PMFBP1: variants seen among roughly 807,000 people sequenced by gnomAD.
PMFBP1 encodes polyamine-modulated factor 1-binding protein 1.
In PMFBP1, 131 loss-of-function variants were observed where a neutral mutation model predicts 137.8. The ratio of observed to expected loss-of-function variants is 0.95; its 90% confidence interval spans 0.82 to 1.10. The LOEUF is 1.10. PMFBP1 is among the 50% of genes least tolerant of loss of function. The probability of loss-of-function intolerance (pLI) is 0.00; values close to 1 mark genes in which losing one functional copy is unlikely to be tolerated. For synonymous variants in PMFBP1, 490 were observed against 450.4 expected (o/e 1.09, Z -1.11); for missense variants, 1,199 against 1,175.4 (o/e 1.02, Z -0.29).
At chr16:72,202,537 C>T in the PMFBP1 span, among the ~76,000 whole-genome samples, 18 of 152,232 alleles carry the variant, frequency 1.2e-4, no homozygotes, top group East Asian at 3.9e-4. Flanking sequence ...GGTCCCACCC[C>T]GACACTGGTT....
downstream of PMFBP1, among the ~76,000 whole-genome samples, chr16:72,118,763 C>CGGT (rs1555541152): frequency 1.3e-4 from 17 of 134,086 alleles, 1 homozygote; most frequent in Admixed American, 1.1e-3. Context: ...CGGTGGTGGG[C>CGGT]GGGGGGGCAG....
chr16:72,161,468 C>T (rs1488243814), intron 3 of PMFBP1, among the ~76,000 whole-genome samples: 3 of 152,108 alleles, frequency 2.0e-5, no homozygotes, highest in Admixed American at 2.0e-4. Context: ...GAGCATAGAA[C>T]TGTAAGTTTA....
At chr16:72,234,327 C>T in the PMFBP1 span, among the ~76,000 whole-genome samples, 4 of 152,166 alleles carry the variant, frequency 2.6e-5, no homozygotes, top group Non-Finnish European at 5.9e-5. Flanking sequence ...GTGATTAAAA[C>T]AGCCTGCAGC....
chr16:72,121,326 A>G (rs1374824215), intron 19 of PMFBP1, among the ~76,000 whole-genome samples: 2 of 152,244 alleles, frequency 1.3e-5, no homozygotes, highest in African/African-American at 4.8e-5. Flanking sequence ...GGGTCTCAGC[A>G]GTGCCCTCCT....
At chr16:72,155,011 C>G (rs1405097723) in intron 3 of PMFBP1, among the ~76,000 whole-genome samples, 1 of 152,072 alleles carries the variant, frequency 6.6e-6, no homozygotes, top group Admixed American at 6.5e-5. Flanking sequence ...CTTGCGGATG[C>G]TGACTCTGTG....
At chr16:72,209,414 T>C in the PMFBP1 span, among the ~76,000 whole-genome samples, 3 of 152,158 alleles carry the variant, frequency 2.0e-5, no homozygotes, top group Non-Finnish European at 4.4e-5. Flanking sequence ...TCAGTTATTA[T>C]ATATTGTTAT....
intron 6 of PMFBP1, 58 bp downstream of exon 6, chr16:72,140,354 T>C: frequency 6.7e-7 from 1 of 1,491,858 alleles, no homozygotes; most frequent in Non-Finnish European, 9.3e-7. Flanking sequence ...CCCTCCTTTC[T>C]CTCCCCATGT....
the PMFBP1 span, among the ~76,000 whole-genome samples, chr16:72,225,929 TCACAGACA>T: frequency 9.4e-6 from 1 of 106,144 alleles, no homozygotes; most frequent in Non-Finnish European, 2.0e-5. Context: ...GCATGCACAC[TCACAGACA>T]CACACACACA....
Position 72,125,957 on chromosome 16 carries a change from T to G in PMFBP1, c.2253+11A>C. ...GAAAACAGCCCTGGAGACTAGAGGG[T>G]GTGGCCTCACCTTCTCGAGGGCTTG... On this transcript the variant is annotated intron_variant, in intron 15 of 20. Transcript: ENST00000237353. The G allele has an allele frequency of 6.2e-7, 1 of 1,613,322 alleles. No homozygotes were observed. The highest frequency in any genetic ancestry group is 8.5e-7 in the Non-Finnish European group (1 of 1,179,668).
the PMFBP1 span, among the ~76,000 whole-genome samples, chr16:72,246,125 C>T: frequency 1.3e-5 from 2 of 152,172 alleles, no homozygotes; most frequent in Non-Finnish European, 2.9e-5. Flanking sequence ...TCACTCTCAT[C>T]GGCTAATAGC....
Position 72,130,245 on chromosome 16 carries a change from T to G in PMFBP1, c.1750A>C (p.Met584Leu), listed in dbSNP as rs759580370. The part of the protein sequence containing the change: ...QKTVAEQDMK[M>L]NDMLDRIKHQ... The stretch of plus-strand genomic sequence containing the variant: ...TTGATACGATCAAGCATGTCATTCA[T>G]TTTCATATCCTGCTCAGCCACTGTC... Residue 584 changes from methionine to leucine, a missense_variant, in exon 12 of 21, where the codon ATG becomes CTG. Coordinates refer to ENST00000237353, the MANE Select transcript of PMFBP1 (RefSeq NM_031293.3). 1.9e-6 allele frequency: 3 copies of G among 1,614,082 alleles called. No individual in the cohort carries two copies. Among genetic ancestry groups the G allele is most frequent in the East Asian group, 2.2e-5 (1 of 44,884 alleles).
chr16:72,178,942 G>A (rs2043267400), upstream of PMFBP1, among the ~76,000 whole-genome samples: 2 of 152,152 alleles, frequency 1.3e-5, no homozygotes, highest in African/African-American at 4.8e-5. Context: ...ATTTTAATGG[G>A]CATTTTTTCT....
At chr16:72,135,748 T>G (rs1248350489) in intron 9 of PMFBP1, among the ~76,000 whole-genome samples, 10 of 137,624 alleles carry the variant, frequency 7.3e-5, no homozygotes, top group South Asian at 2.4e-4. Context: ...CTGTTTTTTT[T>G]TTTTTTTTTT....
intron 10 of PMFBP1, 122 bp downstream of exon 10, chr16:72,132,626 C>T: frequency 3.4e-6 from 5 of 1,479,506 alleles, no homozygotes; most frequent in Non-Finnish European, 3.7e-6. Context: ...CTGAGAAGGT[C>T]TGCAGTGAGA....
chr16:72,167,941 T>A (rs2043168989), intron 2 of PMFBP1, among the ~76,000 whole-genome samples: 1 of 152,192 alleles, frequency 6.6e-6, no homozygotes, highest in Admixed American at 6.5e-5. Context: ...AAAATATCCT[T>A]TCTCCCTCCA....
At chr16:72,144,891 G>C (rs929310651) in intron 5 of PMFBP1, among the ~76,000 whole-genome samples, 1 of 152,134 alleles carries the variant, frequency 6.6e-6, no homozygotes, top group Non-Finnish European at 1.5e-5. Context: ...CAAGTTCTTA[G>C]AGACCTACAA....
the PMFBP1 span, among the ~76,000 whole-genome samples, chr16:72,189,552 C>A: frequency 6.6e-6 from 1 of 152,144 alleles, no homozygotes; most frequent in Non-Finnish European, 1.5e-5. Flanking sequence ...AGGGGCCTCT[C>A]CAAAGAGGAG....
At chr16:72,118,482 C>G (rs2042329758), downstream of PMFBP1, among the ~76,000 whole-genome samples, 1 of 152,166 alleles carries the variant, frequency 6.6e-6, no homozygotes, top group Non-Finnish European at 1.5e-5. Flanking sequence ...TCATTGCTAA[C>G]CAGTGGGTTT....
chr16:72,132,863 T>A lies in PMFBP1; in HGVS notation c.1332A>T (p.Thr444=). ...QQCMATELEM[T]VKEAKQDKSK... ...ACTTGTCCTGCTTAGCCTCCTTGAC[T>A]GTCATTTCAAGTTCTGTGGCCATGC... Residue 444 remains threonine (T), a synonymous_variant, in exon 10 of 21, where the codon ACA becomes ACT. Coordinates refer to ENST00000237353, the MANE Select transcript of PMFBP1 (RefSeq NM_031293.3). The A allele has an allele frequency of 6.2e-7, 1 of 1,614,202 alleles. No homozygotes were observed. The highest frequency in any genetic ancestry group is 1.6e-4 in the Middle Eastern group (1 of 6,062).
Sources: allele counts gnomAD v4.1 joint callset (sites outside exome capture counted in the v4.1 genomes callset), GRCh38; gene constraint gnomAD v4.1.1; transcripts MANE v1.5; gene names NCBI Gene and HGNC (gene_info 2026-07-23, HGNC 2026-07-21).